MYRFL: variants seen among roughly 807,000 people sequenced by gnomAD.
MYRFL encodes the protein myelin regulatory factor like, also known as myelin regulatory factor-like protein.
Under a neutral mutation model 109.4 loss-of-function variants are expected in MYRFL, and 88 were observed. That is an observed-to-expected ratio of 0.80 (90% CI 0.68 to 0.96). The LOEUF (loss-of-function observed/expected upper bound fraction) is 0.96, where lower values mean the gene tolerates loss of function less well. MYRFL is among the 40% of genes least tolerant of loss of function. The pLI is 0.00. For synonymous variants in MYRFL, 324 were observed against 320.9 expected (o/e 1.01, Z -0.10); for missense variants, 957 against 954.9 (o/e 1.00, Z -0.03).
chr12:69,906,736 G>T (rs1439651539), intron 11 of MYRFL, among the ~76,000 whole-genome samples: 1 of 152,242 alleles, frequency 6.6e-6, no homozygotes, highest in African/African-American at 2.4e-5. Context: ...CCTTTGCTCA[G>T]GGTGAGCAGG....
chr12:69,856,925 A>G (rs111714836), intron 2 of MYRFL, among the ~76,000 whole-genome samples: 2 of 151,908 alleles, frequency 1.3e-5, no homozygotes, highest in Non-Finnish European at 2.9e-5. Context: ...AATTTTTCTT[A>G]TATGACTTAC....
intron 7 of MYRFL, among the ~76,000 whole-genome samples, chr12:69,891,555 G>T (rs1235585613): frequency 1.1e-5 from 1 of 88,624 alleles, no homozygotes; most frequent in Non-Finnish European, 2.6e-5. Flanking sequence ...TAAGTGAAAG[G>T]TGTCAATTTC....
At chr12:69,840,311 A>C (rs1416757874) in intron 1 of MYRFL, among the ~76,000 whole-genome samples, 4 of 152,200 alleles carry the variant, frequency 2.6e-5, no homozygotes, top group Non-Finnish European at 5.9e-5. Flanking sequence ...TTTCATGCTG[A>C]ATTTTAGGAT....
intron 10 of MYRFL, among the ~76,000 whole-genome samples, chr12:69,901,172 A>G (rs994082769): frequency 3.9e-5 from 6 of 152,242 alleles, no homozygotes; most frequent in African/African-American, 1.4e-4. Context: ...ATAAGAGGAT[A>G]TGACACAAAC....
chr12:69,907,831 G>A (rs1057338029), intron 11 of MYRFL, among the ~76,000 whole-genome samples: 10 of 152,162 alleles, frequency 6.6e-5, no homozygotes, highest in Admixed American at 3.3e-4. Flanking sequence ...GTGCTTAGGA[G>A]ATCATCTGGC....
chr12:69,868,844 C>T (rs1885163283), intron 2 of MYRFL, among the ~76,000 whole-genome samples: 1 of 152,240 alleles, frequency 6.6e-6, no homozygotes, highest in African/African-American at 2.4e-5. Flanking sequence ...CACACATGCA[C>T]AGCATGCACA....
chr12:69,936,145 G>A lies in MYRFL; in HGVS notation c.1949G>A (p.Ser650Asn). The A allele has an allele frequency of 8.1e-7, 1 of 1,230,336 alleles. No individual in the cohort carries two copies. The highest frequency in any genetic ancestry group is 1.8e-5 in the African/African-American group (1 of 54,996). 76.2% of individuals were successfully genotyped at this position (1,230,336 alleles called of 1,614,324 possible). A position where few individuals can be genotyped will look rare whatever the true frequency, so the allele number is the denominator to read the frequency against. The part of the protein sequence containing the change: ...ALTIVALYIL[S>N]LKDQDRRVPN... ...ACGATAGTTGCCCTCTATATACTTA[G>A]CTTAAAAGATCAAGACCGACGTGTC... The change falls in exon 17 of 25, where the codon AGC (serine) becomes AAC (asparagine). Residue 650 changes from serine (S) to asparagine (N), a missense_variant. Ser to Asn is a conservative substitution (Grantham distance 46). Coordinates refer to ENST00000552032, the MANE Select transcript of MYRFL (RefSeq NM_182530.3).
chr12:69,893,169 A>G (rs1887018392), intron 7 of MYRFL, among the ~76,000 whole-genome samples: 1 of 152,226 alleles, frequency 6.6e-6, no homozygotes, highest in Non-Finnish European at 1.5e-5. Flanking sequence ...TTCTAGAAAG[A>G]TTTGTTACAA....
intron 1 of MYRFL, among the ~76,000 whole-genome samples, chr12:69,828,941 ATCT>A (rs979964055): frequency 6.6e-6 from 1 of 152,128 alleles, no homozygotes; most frequent in African/African-American, 2.4e-5. Context: ...CTATTTATTT[ATCT>A]TCTTCATCCT....
intron 16 of MYRFL, among the ~76,000 whole-genome samples, chr12:69,933,705 A>G (rs1955344855): frequency 1.3e-5 from 2 of 152,128 alleles, no homozygotes; most frequent in South Asian, 4.1e-4. Context: ...TTAGTCTCCC[A>G]AGTGTGCCTG....
intron 15 of MYRFL, among the ~76,000 whole-genome samples, chr12:69,928,868 G>A (rs1405802614): frequency 2.0e-5 from 3 of 152,228 alleles, no homozygotes; most frequent in African/African-American, 7.2e-5. Context: ...CAGTGGGACA[G>A]AGGGAATGGT....
At chr12:69,828,413 G>T (rs77146757) in intron 1 of MYRFL, among the ~76,000 whole-genome samples, 1 of 151,946 alleles carries the variant, frequency 6.6e-6, no homozygotes, top group Non-Finnish European at 1.5e-5. Context: ...CCTTTGAAAC[G>T]GTTGTAACAT....
At chr12:69,827,763 C>T (rs1414679032) in intron 1 of MYRFL, among the ~76,000 whole-genome samples, 1 of 151,536 alleles carries the variant, frequency 6.6e-6, no homozygotes, top group East Asian at 1.9e-4. Flanking sequence ...TGATCTTAAG[C>T]AAAAAAGTGA....
chr12:69,914,193 G>T (rs1415249671), intron 13 of MYRFL, among the ~76,000 whole-genome samples: 2 of 151,804 alleles, frequency 1.3e-5, no homozygotes, highest in Non-Finnish European at 2.9e-5. Flanking sequence ...ATAAAATACT[G>T]AAGTTTTCCA....
rs116075504 is a variant in MYRFL, at chr12:69,889,315, T to C, written c.708-1656T>C. ...AATTCATCAAAGAAGTTTTCAACTTTTATGTTCTCTATTTGATAATGTTAT... is the reference window on the plus strand; with the variant it reads ...AATTCATCAAAGAAGTTTTCAACTTCTATGTTCTCTATTTGATAATGTTAT... On this transcript the variant is annotated intron_variant, in intron 6 of 24. Transcript: ENST00000552032. 5.8e-3 allele frequency among the ~76,000 whole-genome samples: 890 copies of C among 152,258 alleles called. 6 individuals carry two copies. The highest frequency in any genetic ancestry group is 0.02 in the African/African-American group (830 of 41,562).
intron 1 of MYRFL, among the ~76,000 whole-genome samples, chr12:69,836,060 C>T (rs1032943092): frequency 6.6e-6 from 1 of 152,156 alleles, no homozygotes; most frequent in African/African-American, 2.4e-5. Flanking sequence ...AGAATGAGTG[C>T]AAGGTTTTAT....
At chr12:69,831,520 C>A (rs1882632298) in intron 1 of MYRFL, among the ~76,000 whole-genome samples, 1 of 152,118 alleles carries the variant, frequency 6.6e-6, no homozygotes, top group South Asian at 2.1e-4. Context: ...CCTAGCTCTG[C>A]CACTGACTAC....
intron 21 of MYRFL, 133 bp downstream of exon 21, chr12:69,953,019 C>T: frequency 1.7e-6 from 1 of 599,358 alleles, no homozygotes; most frequent in Admixed American, 3.3e-5. Context: ...TAAGTGAAAA[C>T]ATCTTTATTA....
At chr12:69,827,210 T>C (rs2136311827) in intron 1 of MYRFL, among the ~76,000 whole-genome samples, 1 of 152,250 alleles carries the variant, frequency 6.6e-6, no homozygotes, top group Non-Finnish European at 1.5e-5. Context: ...GAAAGCTATT[T>C]TCTCCATTTC....
Sources: allele counts gnomAD v4.1 joint callset (sites outside exome capture counted in the v4.1 genomes callset), GRCh38; gene constraint gnomAD v4.1.1; transcripts MANE v1.5; gene names NCBI Gene and HGNC (gene_info 2026-07-23, HGNC 2026-07-21).